Variants in SNTG1 observed in about 807,000 individuals in gnomAD.
SNTG1 encodes syntrophin gamma 1, also known as gamma-1-syntrophin.
Under a neutral mutation model 74.7 loss-of-function variants are expected in SNTG1, and 39 were observed. The observed-to-expected ratio is 0.52, with a 90% CI of 0.40 to 0.68. The LOEUF is 0.68. Ranked by LOEUF, SNTG1 falls within the 30% of genes least tolerant of loss-of-function variation. SNTG1 has a pLI of 0.00. For synonymous variants in SNTG1, 254 were observed against 217.1 expected, an observed-to-expected ratio of 1.17 and a Z score of -1.49; for missense variants, 685 against 609.5, an observed-to-expected ratio of 1.12 and a Z score of -1.30.
At chr8:50,520,699 A>G (rs2094172495) in intron 9 of SNTG1, among the ~76,000 whole-genome samples, 1 of 152,232 alleles carries the variant, frequency 6.6e-6, no homozygotes, top group Admixed American at 6.5e-5. Flanking sequence ...CATTAGAGAA[A>G]TGCAAAACAA....
chr8:50,335,864 A>G, intron 2 of SNTG1, among the ~76,000 whole-genome samples: 1 of 58,732 alleles, frequency 1.7e-5, no homozygotes, highest in East Asian at 6.6e-4. Flanking sequence ...TATTTTATTT[A>G]TGTTACCCTT....
At chr8:50,585,249 A>T (rs1053291777) in intron 12 of SNTG1, among the ~76,000 whole-genome samples, 16 of 152,296 alleles carry the variant, frequency 1.1e-4, no homozygotes, top group Middle Eastern at 3.4e-3. Flanking sequence ...GGTCATTTAT[A>T]GCTCTTGCTG....
At chr8:49,986,862 ACGG>A (rs1813209767) in intron 1 of SNTG1, among the ~76,000 whole-genome samples, 1 of 152,178 alleles carries the variant, frequency 6.6e-6, no homozygotes, top group Non-Finnish European at 1.5e-5. Context: ...AGAGTGAGCC[ACGG>A]TCTCAAAATA....
chr8:50,377,043 G>T (rs1490544805), intron 2 of SNTG1, among the ~76,000 whole-genome samples: 2 of 152,044 alleles, frequency 1.3e-5, no homozygotes, highest in Non-Finnish European at 2.9e-5. Flanking sequence ...GCTCACAATG[G>T]GTCGGCTTTC....
At chr8:50,781,213 A>G (rs1320975076) in intron 18 of SNTG1, among the ~76,000 whole-genome samples, 1 of 152,174 alleles carries the variant, frequency 6.6e-6, no homozygotes, top group Non-Finnish European at 1.5e-5. Context: ...GTAGATGTCT[A>G]TTAAGTCCAC....
intron 1 of SNTG1, among the ~76,000 whole-genome samples, chr8:50,002,190 T>G (rs1368943698): frequency 6.6e-6 from 1 of 152,138 alleles, no homozygotes; most frequent in African/African-American, 2.4e-5. Flanking sequence ...TATCACAAAG[T>G]GGGTATTTTT....
Position 50,035,470 on chromosome 8 carries a change from AT to A in SNTG1, c.-103+123245del, listed in dbSNP as rs1042454904. ...ACATATCCTTATTTTCTGGGTGTAC[AT>A]TTTTTCCCAGAGATGGCACATGAGC... On this transcript the variant is annotated intron_variant, in intron 1 of 18. Coordinates refer to ENST00000642720, the MANE Select transcript of SNTG1 (RefSeq NM_018967.5). Among the ~76,000 whole-genome samples, 5 of 152,170 alleles carry A rather than the reference AT, an allele frequency of 3.3e-5. No homozygotes were observed. In the East Asian group the frequency reaches 7.7e-4, roughly 24 times the overall value.
chr8:49,932,562 G>T (rs994706910), intron 1 of SNTG1, among the ~76,000 whole-genome samples: 1 of 151,508 alleles, frequency 6.6e-6, no homozygotes, highest in Non-Finnish European at 1.5e-5. Context: ...AAAATAGTCA[G>T]AACGTATTTA....
intron 17 of SNTG1, among the ~76,000 whole-genome samples, chr8:50,751,044 A>G (rs1259024586): frequency 6.6e-6 from 1 of 152,050 alleles, no homozygotes; most frequent in Non-Finnish European, 1.5e-5. Flanking sequence ...AAAATATTTG[A>G]CTATATCAGC....
chr8:50,263,656 G>A (rs972948690), intron 2 of SNTG1, among the ~76,000 whole-genome samples: 2 of 152,104 alleles, frequency 1.3e-5, no homozygotes, highest in African/African-American at 4.8e-5. Context: ...AATTCATGGG[G>A]AGGAAATAAC....
chr8:50,052,187 A>G (rs536228758), intron 1 of SNTG1, among the ~76,000 whole-genome samples: 1 of 152,202 alleles, frequency 6.6e-6, no homozygotes, highest in East Asian at 1.9e-4. Context: ...CAGATAATAT[A>G]ATATAATCTG....
intron 2 of SNTG1, among the ~76,000 whole-genome samples, chr8:50,195,105 C>A (rs2083714357): frequency 1.3e-5 from 2 of 152,102 alleles, no homozygotes; most frequent in South Asian, 2.1e-4. Context: ...TCTACTTGGG[C>A]AGTTCTTGCT....
intron 8 of SNTG1, among the ~76,000 whole-genome samples, chr8:50,461,587 G>A (rs968016291): frequency 6.6e-6 from 1 of 151,976 alleles, no homozygotes; most frequent in East Asian, 1.9e-4. Context: ...TATACTTTGG[G>A]ATGTAATCCA....
chr8:49,964,995 T>C (rs1811016886), intron 1 of SNTG1, among the ~76,000 whole-genome samples: 1 of 152,212 alleles, frequency 6.6e-6, no homozygotes, highest in Non-Finnish European at 1.5e-5. Flanking sequence ...AAGTTAAAAT[T>C]AATGGCATAC....
rs896952620 is a variant in SNTG1 at position 50,099,657 on chromosome 8, C to A, written c.-102-72904C>A. Among the ~76,000 whole-genome samples, 4 of 152,036 alleles carry A rather than the reference C, an allele frequency of 2.6e-5. No homozygotes were observed. In the East Asian group the frequency reaches 7.7e-4, roughly 29 times the overall value. ...CCACATTCTCACTAGCATTTGCTAT[C>A]TTTTATCTTTGTGATAATAGGCATT... On this transcript the variant is annotated intron_variant, in intron 1 of 18. Coordinates refer to ENST00000642720, the MANE Select transcript of SNTG1 (RefSeq NM_018967.5).
chr8:50,405,929 G>C (rs1192150200), intron 4 of SNTG1, among the ~76,000 whole-genome samples: 1 of 151,970 alleles, frequency 6.6e-6, no homozygotes, highest in Non-Finnish European at 1.5e-5. Context: ...TAGTTTATTA[G>C]TCTATATATT....
chr8:50,762,536 T>C, intron 18 of SNTG1: 1 of 377,208 alleles, frequency 2.7e-6, no homozygotes, highest in Admixed American at 2.9e-5. Flanking sequence ...CCTTTCTACC[T>C]TCTTAATGCA....
At position 49,973,831 on chromosome 8, in the gene SNTG1, T is replaced by C. The variant is rs140229366; in HGVS notation, c.-103+61600T>C. Among the ~76,000 whole-genome samples the C allele has an allele frequency of 2.9e-4, 44 of 152,312 alleles. 1 individual carries two copies. The highest frequency in any genetic ancestry group is 2.5e-3 in the Admixed American group (38 of 15,298). ...AATTTGGATACCATTTGATAACATA[T>C]AGAATTTCATTTCAACAAAACATAC... On this transcript the variant is annotated intron_variant, in intron 1 of 18. Coordinates refer to ENST00000642720, the MANE Select transcript of SNTG1 (RefSeq NM_018967.5).
chr8:50,730,124 A>G (rs1366664916), intron 17 of SNTG1, among the ~76,000 whole-genome samples: 1 of 152,224 alleles, frequency 6.6e-6, no homozygotes, highest in Admixed American at 6.5e-5. Context: ...TATTGTACAA[A>G]TATACTTTGG....
Sources: gnomAD v4.1 joint callset for allele counts (sites outside exome capture counted in the v4.1 genomes callset) on GRCh38, gnomAD v4.1.1 for gene constraint, MANE v1.5 for transcripts, NCBI Gene and HGNC (gene_info 2026-07-23, HGNC 2026-07-21) for gene names.